Variants in METTL5 observed in about 807,000 individuals in gnomAD.
METTL5 encodes methyltransferase 5, N6-adenosine.
In METTL5, 28 loss-of-function variants were observed where a neutral mutation model predicts 26.5. That is an observed-to-expected ratio of 1.06 (90% CI 0.78 to 1.45). METTL5 has a LOEUF of 1.45. METTL5 is among the 40% of genes most tolerant of loss of function. METTL5 has a pLI of 0.00. For synonymous variants in METTL5, 86 were observed against 82.6 expected, an observed-to-expected ratio of 1.04 and a Z score of -0.22; for missense variants, 231 against 249.9, an observed-to-expected ratio of 0.92 and a Z score of 0.51.
At chr2:169,814,115 A>C (rs1283519755) in intron 5 of METTL5, among the ~76,000 whole-genome samples, 3 of 152,176 alleles carry the variant, frequency 2.0e-5, no homozygotes, top group Non-Finnish European at 4.4e-5. Context: ...TTTAGTAATA[A>C]AAATGTATCA....
Position 169,821,960 on chromosome 2 carries a change from A to G in METTL5, c.207T>C (p.Thr69=), listed in dbSNP as rs760242228. Residue 69 remains threonine (T), a synonymous_variant, in exon 2 of 7, where the codon ACT becomes ACC. Coordinates refer to ENST00000260953, the MANE Select transcript of METTL5 (RefSeq NM_014168.4). ...TTACGTACCCTGCTCCTAACATTGC[A>G]GTTCCGATGCTAAGTACTCCACAAC... The part of the protein sequence containing the change: ...GCGCGVLSIG[T]AMLGAGLCVG... The G allele has an allele frequency of 2.5e-6, 4 of 1,613,758 alleles. No homozygotes were observed. Among genetic ancestry groups the G allele is most frequent in the South Asian group, 1.1e-5 (1 of 91,022 alleles).
At chr2:169,812,131 T>G in intron 6 of METTL5, 1 of 560,478 alleles carries the variant, frequency 1.8e-6, no homozygotes, top group Non-Finnish European at 3.1e-6. Context: ...TATTAGCTAT[T>G]GACGATGGGC....
chr2:169,821,305 G>T, intron 2 of METTL5, 32 bp from the exon 3 acceptor site: 1 of 1,465,274 alleles, frequency 6.8e-7, no homozygotes, highest in South Asian at 1.4e-5. Flanking sequence ...AAAGAGTGGC[G>T]ACTTATAGCT....
chr2:169,813,974 G>A (rs1270537019), intron 5 of METTL5, among the ~76,000 whole-genome samples: 1 of 152,112 alleles, frequency 6.6e-6, no homozygotes, highest in East Asian at 1.9e-4. Flanking sequence ...TAACACTACA[G>A]TGGCAATTCA....
rs141545305 is a variant in METTL5 at position 169,824,472 on chromosome 2, T to G, written c.109+17A>C. On this transcript the variant is annotated intron_variant, in intron 1 of 6. Coordinates refer to ENST00000260953, the MANE Select transcript of METTL5 (RefSeq NM_014168.4). ...ACTAACGCCGAAAGCCGGGGCGTGG[T>G]GAACCAGCCGCCCTACCTGCAATGT... is the stretch of plus-strand genomic sequence containing the variant. The G allele has an allele frequency of 7.9e-4, 1,265 of 1,591,812 alleles. 10 individuals carry two copies. In the African/African-American group the frequency reaches 0.015, roughly 19 times the overall value.
At chr2:169,814,225 C>T (rs1257551117) in intron 5 of METTL5, among the ~76,000 whole-genome samples, 1 of 151,944 alleles carries the variant, frequency 6.6e-6, no homozygotes, top group Non-Finnish European at 1.5e-5. Flanking sequence ...CAGTGGCTCA[C>T]ACCTGTAATC....
Position 169,824,563 on chromosome 2 carries a change from C to A in METTL5, c.35G>T (p.Arg12Leu), listed in dbSNP as rs375682466. ...KKVRLKELESRLQQVDGFEKP... is the reference protein window; with the variant it reads ...KKVRLKELESLLQQVDGFEKP... ...TTCAAATCCATCCACTTGTTGCAGG[C>A]GACTCTCTAGTTCCTTAAGCCTTAC... The change falls in exon 1 of 7, where the codon CGC (arginine) becomes CTC (leucine). Residue 12 changes from arginine (R) to leucine (L), a missense_variant. Coordinates refer to ENST00000260953, the MANE Select transcript of METTL5 (RefSeq NM_014168.4). 7 of 1,614,150 alleles carry A rather than the reference C, an allele frequency of 4.3e-6. No homozygotes were observed. The highest frequency in any genetic ancestry group is 5.9e-6 in the Non-Finnish European group (7 of 1,179,986).
intron 5 of METTL5, among the ~76,000 whole-genome samples, chr2:169,813,500 G>C (rs1690048187): frequency 6.6e-6 from 1 of 151,884 alleles, no homozygotes. Context: ...ACATTTGGAG[G>C]AACAAGCCTC....
intron 3 of METTL5, among the ~76,000 whole-genome samples, chr2:169,820,776 A>G (rs2081572594): frequency 6.6e-6 from 1 of 152,196 alleles, no homozygotes; most frequent in African/African-American, 2.4e-5. Context: ...GCAGTGGCAC[A>G]TTCATGGCTC....
At position 169,821,273 on chromosome 2, in the gene METTL5, C is replaced by T; in HGVS notation, c.225G>A (p.Gly75=). The T allele has an allele frequency of 6.3e-7, 1 of 1,594,020 alleles. No homozygotes were observed. Among genetic ancestry groups the T allele is most frequent in the South Asian group, 1.2e-5 (1 of 86,654 alleles). ...CATCTATGTCAAATCCAACACACAA[C>T]CTATAAATACAAAACACATACAAAG... ...LSIGTAMLGA[G]LCVGFDIDED... is the part of the protein sequence containing the mutation. Residue 75 remains glycine (G), a splice_region_variant and synonymous_variant, in exon 3 of 7, where the codon GGG becomes GGA. Coordinates refer to ENST00000260953, the MANE Select transcript of METTL5 (RefSeq NM_014168.4).
intron 2 of METTL5, 49 bp from the exon 3 acceptor site, chr2:169,821,322 TA>T (rs869181850): frequency 7.3e-7 from 1 of 1,376,682 alleles, no homozygotes; most frequent in Admixed American, 2.8e-5. Flanking sequence ...AGCTCCCAAG[TA>T]AAAACAAAAC....
At chr2:169,819,726 C>A in intron 3 of METTL5, 83 bp from the exon 4 acceptor site, 2 of 904,548 alleles carry the variant, frequency 2.2e-6, no homozygotes, top group Non-Finnish European at 3.4e-6. Flanking sequence ...ATATTTTCTT[C>A]CAAACTTCAA....
rs2081633690 is a variant in METTL5, at chr2:169,824,881, C to A, written c.-284G>T. The A allele has an allele frequency of 4.6e-6, 1 of 218,790 alleles. No homozygotes were observed. The highest frequency in any genetic ancestry group is 8.9e-6 in the Non-Finnish European group (1 of 111,844). 13.6% of individuals were successfully genotyped at this position (218,790 alleles called of 1,614,324 possible). On this transcript the variant is annotated 5_prime_UTR_variant, in exon 1 of 7. Coordinates refer to ENST00000260953, the MANE Select transcript of METTL5 (RefSeq NM_014168.4). ...ACGACCACGCACCTCTGGAGGCGAC[C>A]CGCACCTCGGCCGGTGCCGGAAGCG...
chr2:169,822,066 T>TAA lies in METTL5; in HGVS notation c.110-11_110-10dup. The TAA allele has an allele frequency of 1.5e-5, 18 of 1,185,284 alleles. No homozygotes were observed. The highest frequency in any genetic ancestry group is 8.0e-5 in the South Asian group (5 of 62,416). 73.4% of individuals were successfully genotyped at this position (1,185,284 alleles called of 1,614,324 possible). On this transcript the variant is annotated splice_polypyrimidine_tract_variant and intron_variant, in intron 1 of 6. Transcript: ENST00000260953. ...TGTATAGAGCATACATGCTAAAAAA[T>TAA]AAAAAAAAAAAGAATAAGTAAGCAA...
At chr2:169,816,795 C>G (rs1002614982) in intron 4 of METTL5, among the ~76,000 whole-genome samples, 14 of 152,226 alleles carry the variant, frequency 9.2e-5, no homozygotes, top group Non-Finnish European at 1.9e-4. Flanking sequence ...TGAAAATTAA[C>G]TCAAGATGGA....
At chr2:169,819,360 A>G (rs73972629) in intron 4 of METTL5, among the ~76,000 whole-genome samples, 3,515 of 152,300 alleles carry the variant, frequency 0.023, 127 homozygotes, top group African/African-American at 0.079. Context: ...CTGTCTGAAA[A>G]AAATCTTTGA....
At chr2:169,812,300 G>T in intron 6 of METTL5, 157 bp downstream of exon 6, 1 of 1,216,178 alleles carries the variant, frequency 8.2e-7, no homozygotes, top group Non-Finnish European at 1.2e-6. Flanking sequence ...GAGTTCAGTG[G>T]GGCAATCTCA....
At chr2:169,812,610 G>A (rs1690010982) in intron 5 of METTL5, 104 bp from the exon 6 acceptor site, 21 of 1,277,918 alleles carry the variant, frequency 1.6e-5, no homozygotes, top group Non-Finnish European at 2.1e-5. Flanking sequence ...GTTAAGTGCT[G>A]GTAAGCTGAA....
intron 1 of METTL5, 115 bp from the exon 2 acceptor site, chr2:169,822,172 T>G (rs903504959): frequency 3.7e-6 from 5 of 1,367,006 alleles, no homozygotes; most frequent in Admixed American, 2.7e-5. Context: ...CCTCCCCAAA[T>G]GCCATTCCAG....
Sources: allele counts gnomAD v4.1 joint callset (sites outside exome capture counted in the v4.1 genomes callset), GRCh38; gene constraint gnomAD v4.1.1; transcripts MANE v1.5; gene names NCBI Gene and HGNC (gene_info 2026-07-23, HGNC 2026-07-21).